MAP4: variants seen among roughly 807,000 people sequenced by gnomAD.
The protein encoded by MAP4 is microtubule-associated protein 4.
A neutral mutation model predicts 170.2 loss-of-function variants in MAP4; 76 were observed. The observed-to-expected ratio is 0.45, with a 90% CI of 0.37 to 0.54. The LOEUF (loss-of-function observed/expected upper bound fraction) is 0.54, where lower values mean the gene tolerates loss of function less well. MAP4 is among the 20% of genes least tolerant of loss of function. The pLI is 0.00. For synonymous variants in MAP4, 909 were observed against 994.5 expected (o/e 0.91, Z 1.62); for missense variants, 2,506 against 2,748.0 (o/e 0.91, Z 1.97).
intron 1 of MAP4, among the ~76,000 whole-genome samples, chr3:48,030,777 C>G (rs763868337): frequency 2.7e-5 from 3 of 111,724 alleles, no homozygotes; most frequent in African/African-American, 1.1e-4. Context: ...CCAGCCTGGG[C>G]GACAGAGTAA....
intron 1 of MAP4, among the ~76,000 whole-genome samples, chr3:48,067,519 A>G (rs1579761502): frequency 6.6e-6 from 1 of 152,132 alleles, no homozygotes; most frequent in East Asian, 1.9e-4. Flanking sequence ...TTGTAGAGAC[A>G]GGGGTTTCAC....
rs1451748369 is a variant in MAP4, at chr3:48,045,981, CT to C, written c.-20+42791del. ...TTTCACTACAAAATTTCTTGCATCA[CT>C]TCTTTTTTTTTTTTTTTTTTTTACC... On this transcript the variant is annotated intron_variant, in intron 1 of 18. Coordinates refer to the MAP4 transcript ENST00000360240. Among the ~76,000 whole-genome samples, 4 of 138,350 alleles carry C rather than the reference CT, an allele frequency of 2.9e-5. No individual in the cohort carries two copies. The East Asian group carries it at 8.3e-4, about 29-fold the overall frequency. The allele number at this position is 138,350 out of a possible 152,430, so 90.8% of individuals were successfully genotyped here.
intron 10 of MAP4, chr3:47,892,830 A>G: frequency 2.8e-6 from 3 of 1,081,574 alleles, no homozygotes; most frequent in East Asian, 1.4e-4. Context: ...CAATCCAAGC[A>G]CTAAGGATAG....
chr3:48,068,943 TTTC>T (rs2100139706), intron 1 of MAP4, among the ~76,000 whole-genome samples: 1 of 152,184 alleles, frequency 6.6e-6, no homozygotes, highest in Admixed American at 6.5e-5. Flanking sequence ...GTGTGTATTG[TTTC>T]TTCTATTTTA....
intron 17 of MAP4, among the ~76,000 whole-genome samples, chr3:47,859,701 A>G (rs766399177): frequency 2.0e-5 from 3 of 152,244 alleles, no homozygotes; most frequent in Admixed American, 6.5e-5. Context: ...AATTACATAC[A>G]GAGTAGTTAC....
chr3:47,968,161 A>G (rs1043694744), intron 3 of MAP4, among the ~76,000 whole-genome samples: 10 of 152,224 alleles, frequency 6.6e-5, no homozygotes, highest in Non-Finnish European at 1.3e-4. Flanking sequence ...CTACTCAATA[A>G]TAATTGTTGG....
chr3:47,856,054 C>T (rs572700338), intron 18 of MAP4, among the ~76,000 whole-genome samples: 7 of 152,304 alleles, frequency 4.6e-5, no homozygotes, highest in East Asian at 1.9e-4. Flanking sequence ...TCTGAACTCA[C>T]GCCCAGGGTT....
chr3:48,049,125 CAGT>C (rs1273232049), intron 1 of MAP4, among the ~76,000 whole-genome samples: 1 of 152,182 alleles, frequency 6.6e-6, no homozygotes, highest in Non-Finnish European at 1.5e-5. Context: ...TTTGATTACT[CAGT>C]AGTATTCCAT....
At chr3:48,079,090 G>A (rs2100145275) in intron 1 of MAP4, among the ~76,000 whole-genome samples, 1 of 152,112 alleles carries the variant, frequency 6.6e-6, no homozygotes, top group African/African-American at 2.4e-5. Flanking sequence ...AGGATCACCT[G>A]AGCCCAGAAG....
intron 3 of MAP4, among the ~76,000 whole-genome samples, chr3:47,955,435 T>TACACACACACAC (rs3079351): frequency 9.6e-5 from 13 of 135,398 alleles, no homozygotes; most frequent in African/African-American, 3.3e-4. Context: ...AATAAGCACG[T>TACACACACACAC]ACACACACAC....
chr3:48,064,631 A>G (rs964799861), intron 1 of MAP4, among the ~76,000 whole-genome samples: 6 of 152,164 alleles, frequency 3.9e-5, no homozygotes, highest in Non-Finnish European at 7.4e-5. Context: ...GGTGGTTACA[A>G]TTAGACAGTC....
chr3:47,975,388 T>C (rs946566204), intron 3 of MAP4: 3 of 1,553,722 alleles, frequency 1.9e-6, no homozygotes, highest in African/African-American at 1.4e-5. Context: ...CTGAAGGTTT[T>C]AGAAGTATAA....
At chr3:48,080,855 T>C (rs1054874449) in intron 1 of MAP4, among the ~76,000 whole-genome samples, 4 of 152,166 alleles carry the variant, frequency 2.6e-5, no homozygotes, top group Admixed American at 2.6e-4. Flanking sequence ...CCGGGCGCCC[T>C]GGCTCACGCC....
rs138196912 is a variant in MAP4 at position 47,914,932 on chromosome 3, G to C, written c.1884C>G (p.Val628=). 248 of 1,613,854 alleles carry C rather than the reference G, an allele frequency of 1.5e-4. No homozygotes were observed. The highest frequency in any genetic ancestry group is 2.0e-4 in the Non-Finnish European group (241 of 1,179,992). ...AGCTGCACTTTTTCCCCGTTCCTGT[G>C]ACGGTTTCTAAAGGTAATAACAAAA... ...APTFMISPET[V]TGTGKKCSLP... The change falls in exon 8 of 21, where the codon GTC becomes GTG. Residue 628 remains valine, a synonymous_variant. Coordinates refer to ENST00000683076, the MANE Select transcript of MAP4 (RefSeq NM_001385682.1).
chr3:48,043,548 T>C (rs908474144), intron 1 of MAP4, among the ~76,000 whole-genome samples: 2 of 152,246 alleles, frequency 1.3e-5, no homozygotes, highest in Admixed American at 6.5e-5. Context: ...TATTTCCTTT[T>C]TGCATTACTT....
chr3:48,076,574 G>A lies in MAP4; in HGVS notation c.-20+12199C>T, dbSNP rs902916299. Among the ~76,000 whole-genome samples, 4 of 151,840 alleles carry A rather than the reference G, an allele frequency of 2.6e-5. No individual in the cohort carries two copies. The South Asian group carries it at 8.3e-4, about 32-fold the overall frequency. On this transcript the variant is annotated intron_variant, in intron 1 of 18. Coordinates refer to the MAP4 transcript ENST00000360240. The stretch of plus-strand genomic sequence containing the variant: ...CACACCTGTAGTCCTACCTACTCAG[G>A]AGACTGAGGTGGAAGGATAGCTTGA...
intron 1 of MAP4, among the ~76,000 whole-genome samples, chr3:48,002,038 C>G (rs1012275042): frequency 3.3e-5 from 5 of 151,940 alleles, no homozygotes; most frequent in Non-Finnish European, 7.4e-5. Context: ...CAAAAAATGT[C>G]AAAAGATACG....
intron 3 of MAP4, among the ~76,000 whole-genome samples, chr3:47,952,400 A>C (rs1224329486): frequency 6.6e-6 from 1 of 152,206 alleles, no homozygotes; most frequent in Non-Finnish European, 1.5e-5. Context: ...CCAACAGCTC[A>C]TTGAGAACGG....
intron 3 of MAP4, among the ~76,000 whole-genome samples, chr3:47,936,905 G>A (rs1276642590): frequency 3.3e-5 from 5 of 151,500 alleles, no homozygotes; most frequent in Non-Finnish European, 7.4e-5. Context: ...GCTTGAACCC[G>A]GGAGGTGGAG....
Sources: allele counts gnomAD v4.1 joint callset (sites outside exome capture counted in the v4.1 genomes callset), GRCh38; gene constraint gnomAD v4.1.1; transcripts MANE v1.5; gene names NCBI Gene and HGNC (gene_info 2026-07-23, HGNC 2026-07-21).